The following PIK3C2A variants were observed in gnomAD, a reference collection of about 807,000 sequenced individuals.
The protein encoded by PIK3C2A is phosphatidylinositol 4-phosphate 3-kinase C2 domain-containing subunit alpha.
A neutral mutation model predicts 204.5 loss-of-function variants in PIK3C2A; 97 were observed. The observed-to-expected ratio is 0.47, with a 90% CI of 0.40 to 0.56. PIK3C2A has a LOEUF of 0.56. Ranked by LOEUF, PIK3C2A falls within the 20% of genes least tolerant of loss-of-function variation. The probability of loss-of-function intolerance (pLI) is 0.00; values close to 1 mark genes in which losing one functional copy is unlikely to be tolerated. For synonymous variants in PIK3C2A, 653 were observed against 664.4 expected, an observed-to-expected ratio of 0.98 and a Z score of 0.26; for missense variants, 1,735 against 1,969.2, an observed-to-expected ratio of 0.88 and a Z score of 2.25.
Position 17,128,449 on chromosome 11 carries a change from G to A in PIK3C2A, c.2399+851C>T, listed in dbSNP as rs371989396. Among the ~76,000 whole-genome samples, 57 of 152,116 alleles carry A rather than the reference G, an allele frequency of 3.7e-4. 1 individual carries two copies. In the South Asian group the frequency reaches 0.012, roughly 31 times the overall value. ...AGGTGGGATTTCACCATGTTGGCCA[G>A]GCTGTTCTCAAACTGCTGACCTCAA... On this transcript the variant is annotated intron_variant, in intron 13 of 32. Coordinates refer to ENST00000691414, the MANE Select transcript of PIK3C2A (RefSeq NM_002645.4).
At chr11:17,114,080 A>AAAATAAATAAATGAATAAAT in intron 20 of PIK3C2A, among the ~76,000 whole-genome samples, 2 of 143,384 alleles carry the variant, frequency 1.4e-5, no homozygotes, top group Admixed American at 1.4e-4. Context: ...TTTGTCTCAA[A>AAAATAAATAAATGAATAAAT]AAATAAATAA....
At chr11:17,099,096 T>C (rs1169726336) in intron 26 of PIK3C2A, among the ~76,000 whole-genome samples, 1 of 152,172 alleles carries the variant, frequency 6.6e-6, no homozygotes, top group South Asian at 2.1e-4. Flanking sequence ...GGTTTCTCCA[T>C]GTTGGTCAGG....
intron 12 of PIK3C2A, among the ~76,000 whole-genome samples, chr11:17,131,149 C>T (rs11024163): frequency 1.3e-5 from 2 of 152,054 alleles, no homozygotes; most frequent in East Asian, 3.9e-4. Context: ...GATCATGCCA[C>T]TGCACTCTAG....
intron 3 of PIK3C2A, among the ~76,000 whole-genome samples, chr11:17,151,036 T>G (rs1291033674): frequency 6.6e-6 from 1 of 152,192 alleles, no homozygotes; most frequent in Non-Finnish European, 1.5e-5. Context: ...CCTAAAACTA[T>G]AATGGCCAAA....
rs1849233228 is a variant in PIK3C2A at position 17,117,478 on chromosome 11, T to C, written c.3216+13A>G. ...ACATTAACACATTTATATTACCTTT[T>C]ATGGGTACATACCTGTCTGGCTGAT... On this transcript the variant is annotated intron_variant, in intron 19 of 32. Coordinates refer to ENST00000691414, the MANE Select transcript of PIK3C2A (RefSeq NM_002645.4). 1.9e-6 allele frequency: 3 copies of C among 1,576,698 alleles called. No individual in the cohort carries two copies. In the East Asian group the frequency reaches 6.7e-5, roughly 35 times the overall value.
In PIK3C2A at chr11:17,119,821, C is replaced by G. The variant is rs749321248; in HGVS notation, c.2811G>C (p.Leu937Phe). The part of the protein sequence containing the change: ...TYSLLHQWPA[L>F]YPLIALELLD... ...GAAGTTCCAATGCAATTAGTGGGTA[C>G]AATGCAGGCCACTGGTGAAGCAATG... The change falls in exon 16 of 33, where the codon TTG becomes TTC. Residue 937 changes from leucine (L) to phenylalanine (F), a missense_variant. Physicochemically the swap from Leu to Phe is conservative, Grantham distance 22. Coordinates refer to ENST00000691414, the MANE Select transcript of PIK3C2A (RefSeq NM_002645.4). The G allele has an allele frequency of 6.3e-7, 1 of 1,594,612 alleles. No homozygotes were observed. The highest frequency in any genetic ancestry group is 1.1e-5 in the South Asian group (1 of 87,152).
rs1849885651 is a variant in PIK3C2A, at chr11:17,136,734, T to C, written c.1705-109A>G. On this transcript the variant is annotated intron_variant, in intron 8 of 32. Coordinates refer to ENST00000691414, the MANE Select transcript of PIK3C2A (RefSeq NM_002645.4). ...TTAGATATCCCTAACAGATATCCTC[T>C]ACTCTTTTGTGATGACAAAGAAAAA... 5 of 560,736 alleles carry C rather than the reference T, an allele frequency of 8.9e-6. No individual in the cohort carries two copies. The Admixed American group carries it at 1.5e-4, about 16-fold the overall frequency. The allele number at this position is 560,736 out of a possible 1,614,324, so 34.7% of individuals were successfully genotyped here.
intron 2 of PIK3C2A, among the ~76,000 whole-genome samples, chr11:17,157,165 T>C (rs549594398): frequency 6.6e-6 from 1 of 152,226 alleles, no homozygotes; most frequent in East Asian, 1.9e-4. Context: ...CTTCAGGACA[T>C]ATGCTTCTAG....
At chr11:17,148,982 A>G (rs894979921) in intron 4 of PIK3C2A, among the ~76,000 whole-genome samples, 195 bp from the exon 5 acceptor site, 1 of 152,182 alleles carries the variant, frequency 6.6e-6, no homozygotes, top group East Asian at 1.9e-4. Flanking sequence ...AATTTTAATA[A>G]TATGTTTTAT....
chr11:17,207,908 G>C lies in PIK3C2A; in HGVS notation c.-126C>G, dbSNP rs1167355084. On this transcript the variant is annotated 5_prime_UTR_variant, in exon 1 of 33. Coordinates refer to ENST00000691414, the MANE Select transcript of PIK3C2A (RefSeq NM_002645.4). ...TGAGCCGCCGAAGCCGCCACAGTCC[G>C]AGCCATTTTTCCCCTCAGCTGGCTC... 3 of 152,684 alleles carry C rather than the reference G, an allele frequency of 2.0e-5. No individual in the cohort carries two copies. Among genetic ancestry groups the C allele is most frequent in the African/African-American group, 7.2e-5 (3 of 41,444 alleles). The allele number at this position is 152,684 out of a possible 1,614,324, so 9.5% of individuals were successfully genotyped here.
At chr11:17,127,241 C>T (rs55792485) in intron 13 of PIK3C2A, among the ~76,000 whole-genome samples, 1 of 152,010 alleles carries the variant, frequency 6.6e-6, no homozygotes, top group African/African-American at 2.4e-5. Flanking sequence ...AACAAAAAAT[C>T]TTATACTGCC....
intron 1 of PIK3C2A, among the ~76,000 whole-genome samples, chr11:17,183,766 C>G (rs1169680467): frequency 6.6e-6 from 1 of 151,960 alleles, no homozygotes; most frequent in African/African-American, 2.4e-5. Flanking sequence ...ACATGACACT[C>G]CAGCCAACAG....
intron 2 of PIK3C2A, among the ~76,000 whole-genome samples, chr11:17,162,224 C>T (rs547064580): frequency 1.0e-3 from 153 of 151,836 alleles, no homozygotes; most frequent in African/African-American, 3.6e-3. Context: ...GTAATCCCAG[C>T]TACTCAGGAG....
chr11:17,150,576 T>C lies in PIK3C2A; in HGVS notation c.1249A>G (p.Ile417Val). Residue 417 changes from isoleucine to valine, a missense_variant, in exon 4 of 33, where the codon ATA becomes GTA. Physicochemically the swap from Ile to Val is conservative, Grantham distance 29. Transcript: ENST00000691414. ...TTCACACTAGCATTTTCTCCGCATA[T>C]GTTTCTTTGTGCTGTGACTGGACTT... ...LLSPVTAQRN[I>V]CGENASVKVS... 1.2e-6 allele frequency: 2 copies of C among 1,612,140 alleles called. No individual in the cohort carries two copies. Among genetic ancestry groups the C allele is most frequent in the Non-Finnish European group, 1.7e-6 (2 of 1,178,756 alleles).
intron 1 of PIK3C2A, among the ~76,000 whole-genome samples, chr11:17,205,379 C>T (rs1264610801): frequency 2.1e-5 from 3 of 145,740 alleles, no homozygotes; most frequent in African/African-American, 7.7e-5. Context: ...GAGGCTGAGG[C>T]AGGAGAGTCA....
chr11:17,158,012 C>T (rs1200306914), intron 2 of PIK3C2A, among the ~76,000 whole-genome samples: 1 of 152,144 alleles, frequency 6.6e-6, no homozygotes, highest in African/African-American at 2.4e-5. Context: ...GGACTTTTCC[C>T]TTCACCTTCC....
At chr11:17,136,014 G>C (rs897133851) in intron 9 of PIK3C2A, among the ~76,000 whole-genome samples, 4 of 152,136 alleles carry the variant, frequency 2.6e-5, no homozygotes, top group Non-Finnish European at 5.9e-5. Flanking sequence ...TAATCTAAAG[G>C]GAAGGCCCCT....
chr11:17,095,391 T>C (rs979520739), intron 27 of PIK3C2A, among the ~76,000 whole-genome samples: 2 of 138,472 alleles, frequency 1.4e-5, no homozygotes, highest in South Asian at 2.2e-4. Flanking sequence ...CTGGCTAACA[T>C]GGTGAAATCC....
intron 27 of PIK3C2A, among the ~76,000 whole-genome samples, chr11:17,095,507 C>T (rs1232963014): frequency 6.0e-5 from 9 of 150,478 alleles, no homozygotes; most frequent in Admixed American, 2.0e-4. Flanking sequence ...AGGAGAATGG[C>T]GTGAACCCGG....
Sources: gnomAD v4.1 joint callset for allele counts (sites outside exome capture counted in the v4.1 genomes callset) on GRCh38, gnomAD v4.1.1 for gene constraint, MANE v1.5 for transcripts, NCBI Gene and HGNC (gene_info 2026-07-23, HGNC 2026-07-21) for gene names.